The following SNX29 variants were observed in gnomAD, a reference collection of about 807,000 sequenced individuals.
SNX29 encodes sorting nexin 29, also known as sorting nexin-29.
In SNX29, 78 loss-of-function variants were observed where a neutral mutation model predicts 102.1. The ratio of observed to expected loss-of-function variants is 0.76; its 90% CI spans 0.64 to 0.92. The LOEUF (loss-of-function observed/expected upper bound fraction) is 0.92, where lower values mean the gene tolerates loss of function less well. Among genes scored for constraint, SNX29 ranks in the 40% least tolerant of loss-of-function variants. The probability of loss-of-function intolerance (pLI) is 0.00; values close to 1 mark genes in which losing one functional copy is unlikely to be tolerated. For missense variants in SNX29, 1,280 were observed against 1,061.7 expected, an observed-to-expected ratio of 1.21 and a Z score of -2.86; for synonymous variants, 580 against 414.5, an observed-to-expected ratio of 1.40 and a Z score of -4.85.
intron 20 of SNX29, among the ~76,000 whole-genome samples, chr16:12,536,372 GTTTATGAC>G (rs1340092698): frequency 6.6e-6 from 1 of 151,986 alleles, no homozygotes; most frequent in East Asian, 1.9e-4. Flanking sequence ...GGTAAAGCTT[GTTTATGAC>G]TTTCACATTA....
intron 13 of SNX29, among the ~76,000 whole-genome samples, chr16:12,150,196 A>G (rs1021317164): frequency 6.6e-6 from 1 of 152,040 alleles, no homozygotes; most frequent in Non-Finnish European, 1.5e-5. Context: ...GGCATTGTGG[A>G]GAAGTGGATA....
chr16:12,230,148 C>T (rs575261774), intron 14 of SNX29, among the ~76,000 whole-genome samples: 10 of 152,212 alleles, frequency 6.6e-5, no homozygotes, highest in South Asian at 2.1e-4. Context: ...AGTGTTTAAA[C>T]GAAAACAAAG....
rs142922629 is a variant in SNX29, at chr16:12,490,784, A to C, written c.2178+12925A>C. Among the ~76,000 whole-genome samples, 357 of 152,346 alleles carry C rather than the reference A, an allele frequency of 2.3e-3. 2 individuals carry two copies. Among genetic ancestry groups the C allele is most frequent in the African/African-American group, 7.9e-3 (328 of 41,574 alleles). ...CCAAGCACCTAAAAAATTATTAGGA[A>C]ATGTTTCAGGTGTGCCCTGGAATAC... On this transcript the variant is annotated intron_variant, in intron 19 of 20. Transcript: ENST00000566228.
chr16:12,146,574 T>A (rs543627233), intron 13 of SNX29, among the ~76,000 whole-genome samples: 9 of 152,308 alleles, frequency 5.9e-5, no homozygotes, highest in Non-Finnish European at 8.8e-5. Flanking sequence ...CCAAGAGATA[T>A]GAATGTTTTC....
rs1330414906 is a variant in SNX29, at chr16:12,461,981, AT to A, written c.2038-15737del. ...AAAAAAAAAAAAAAAAAAAAAAAAT[AT>A]ATATATATATATATATATATATATA... On this transcript the variant is annotated intron_variant, in intron 18 of 20. Transcript: ENST00000566228. Among the ~76,000 whole-genome samples the A allele has an allele frequency of 7.2e-3, 288 of 40,194 alleles. 3 individuals are homozygous for A. The highest frequency in any genetic ancestry group is 9.1e-3 in the East Asian group (7 of 772). The allele number at this position is 40,194 out of a possible 152,430, so 26.4% of individuals were successfully genotyped here. A position where few individuals can be genotyped will look rare whatever the true frequency, so the allele number is the denominator to read the frequency against.
intron 4 of SNX29, among the ~76,000 whole-genome samples, chr16:12,036,790 A>G (rs62037728): frequency 1.3e-5 from 2 of 151,878 alleles, no homozygotes; most frequent in African/African-American, 4.8e-5. Flanking sequence ...TCTATAGATG[A>G]TTGTCAGATG....
chr16:12,536,732 C>G (rs770339389), intron 20 of SNX29, among the ~76,000 whole-genome samples: 3 of 152,166 alleles, frequency 2.0e-5, no homozygotes, highest in East Asian at 1.9e-4. Context: ...AATCTCAACA[C>G]TTTGGGAGGT....
chr16:12,455,686 G>C (rs2086507242), intron 18 of SNX29, among the ~76,000 whole-genome samples: 1 of 152,230 alleles, frequency 6.6e-6, no homozygotes, highest in Admixed American at 6.5e-5. Context: ...GCTGGAGGAG[G>C]TGTCACAGTG....
chr16:12,101,960 C>T (rs1323198652), intron 11 of SNX29, among the ~76,000 whole-genome samples: 1 of 152,126 alleles, frequency 6.6e-6, no homozygotes, highest in Non-Finnish European at 1.5e-5. Flanking sequence ...TGTTCCCCTC[C>T]CTGTGTCCAT....
intron 13 of SNX29, among the ~76,000 whole-genome samples, chr16:12,194,267 A>G (rs2076715906): frequency 6.6e-6 from 1 of 152,210 alleles, no homozygotes. Context: ...TCTTTTTAAA[A>G]GTAATTTGCC....
At chr16:12,465,967 C>CA (rs1297801013) in intron 18 of SNX29, among the ~76,000 whole-genome samples, 2 of 152,014 alleles carry the variant, frequency 1.3e-5, no homozygotes, top group Non-Finnish European at 2.9e-5. Flanking sequence ...GATAACCCCC[C>CA]AATGAATGAG....
intron 19 of SNX29, among the ~76,000 whole-genome samples, chr16:12,485,325 C>A (rs1177054223): frequency 1.3e-5 from 2 of 152,174 alleles, no homozygotes; most frequent in Non-Finnish European, 2.9e-5. Context: ...CTAAAGTCTG[C>A]ATTATGGCTC....
intron 18 of SNX29, among the ~76,000 whole-genome samples, chr16:12,457,728 A>C (rs181276523): frequency 6.6e-6 from 1 of 152,338 alleles, no homozygotes; most frequent in East Asian, 1.9e-4. Context: ...AGATGGAAAA[A>C]TGTTCATCCC....
Position 11,976,765 on chromosome 16 carries a change from CG to C in SNX29, c.-40del. On this transcript the variant is annotated 5_prime_UTR_variant, in exon 1 of 21. Transcript: ENST00000566228. The stretch of plus-strand genomic sequence containing the variant: ...AGCTCGGCAGCCGCAGAAGCGGCAG[CG>C]GCGGCGGCGCGGCGCAGGCACCGGC... The C allele has an allele frequency of 7.7e-7, 1 of 1,294,518 alleles. No homozygotes were observed. The highest frequency in any genetic ancestry group is 2.1e-5 in the South Asian group (1 of 46,656). The allele number at this position is 1,294,518 out of a possible 1,614,324, so 80.2% of individuals were successfully genotyped here.
At chr16:12,493,714 C>T (rs2088667277) in intron 19 of SNX29, among the ~76,000 whole-genome samples, 2 of 152,166 alleles carry the variant, frequency 1.3e-5, no homozygotes, top group African/African-American at 4.8e-5. Context: ...GCCTCAGCCT[C>T]CCAAGTAGCT....
intron 4 of SNX29, among the ~76,000 whole-genome samples, chr16:12,036,367 C>A (rs1168688748): frequency 5.4e-5 from 7 of 130,456 alleles, no homozygotes; most frequent in African/African-American, 2.1e-4. Flanking sequence ...CAGAGTCTTG[C>A]TCTGTTGCCC....
At chr16:12,533,869 A>G (rs1314235021) in intron 20 of SNX29, among the ~76,000 whole-genome samples, 1 of 152,236 alleles carries the variant, frequency 6.6e-6, no homozygotes, top group Non-Finnish European at 1.5e-5. Flanking sequence ...CTAGCTGGAT[A>G]GAAGTCCTTG....
At chr16:12,565,285 GCAGCCAC>G (rs1884313819) in intron 20 of SNX29, among the ~76,000 whole-genome samples, 1 of 152,006 alleles carries the variant, frequency 6.6e-6, no homozygotes, top group Admixed American at 6.5e-5. Context: ...ACATACGCCA[GCAGCCAC>G]CAGCACTCTC....
intron 11 of SNX29, among the ~76,000 whole-genome samples, chr16:12,119,084 A>G (rs2053865280): frequency 6.6e-6 from 1 of 152,220 alleles, no homozygotes; most frequent in South Asian, 2.1e-4. Context: ...TGTGGTAAGA[A>G]CCTCAGTTTA....
Sources: allele counts gnomAD v4.1 joint callset (sites outside exome capture counted in the v4.1 genomes callset), GRCh38; gene constraint gnomAD v4.1.1; transcripts MANE v1.5; gene names NCBI Gene and HGNC (gene_info 2026-07-23, HGNC 2026-07-21).